The following ADAMTS17 variants were observed in gnomAD, a reference collection of about 807,000 sequenced individuals.
ADAMTS17 encodes ADAM metallopeptidase with thrombospondin type 1 motif 17, also known as A disintegrin and metalloproteinase with thrombospondin motifs 17.
ADAMTS17 carries 113 observed loss-of-function variants against 141.5 expected under a neutral mutation model. That is an observed-to-expected ratio of 0.80 (90% CI 0.69 to 0.93). The LOEUF (loss-of-function observed/expected upper bound fraction) is 0.93. Ranked by LOEUF, ADAMTS17 falls within the 40% of genes least tolerant of loss-of-function variation. The pLI, the probability that ADAMTS17 is intolerant of heterozygous loss-of-function variation, is 0.00. For missense variants in ADAMTS17, 1,659 were observed against 1,517.9 expected, an observed-to-expected ratio of 1.09 and a Z score of -1.54; for synonymous variants, 768 against 630.6, an observed-to-expected ratio of 1.22 and a Z score of -3.27.
intron 18 of ADAMTS17, among the ~76,000 whole-genome samples, chr15:100,031,736 C>A (rs1037616096): frequency 6.6e-6 from 1 of 152,202 alleles, no homozygotes; most frequent in Non-Finnish European, 1.5e-5. Flanking sequence ...TCAAACAATC[C>A]ATTTATCTGT....
At chr15:100,053,544 A>G (rs976896429) in intron 16 of ADAMTS17, among the ~76,000 whole-genome samples, 1 of 152,212 alleles carries the variant, frequency 6.6e-6, no homozygotes, top group African/African-American at 2.4e-5. Context: ...AACCGATGCA[A>G]AAACAGACTT....
chr15:100,167,249 T>C (rs2039985963), intron 8 of ADAMTS17, among the ~76,000 whole-genome samples: 1 of 152,136 alleles, frequency 6.6e-6, no homozygotes, highest in Admixed American at 6.5e-5. Flanking sequence ...TGCCCACAAA[T>C]TACTCACAGA....
chr15:100,051,571 C>A lies in ADAMTS17; in HGVS notation c.2455+1G>T, dbSNP rs768475186. Reference sequence around the variant, plus strand: ...ACAGGTCATGGACCACGGCCACTCACCTCCGCCGCACTGCACACTGCACCC... The same window carrying A: ...ACAGGTCATGGACCACGGCCACTCAACTCCGCCGCACTGCACACTGCACCC... On this transcript the variant is annotated splice_donor_variant, in intron 17 of 21. Coordinates refer to ENST00000268070, the MANE Select transcript of ADAMTS17 (RefSeq NM_139057.4). LOFTEE classifies it high-confidence loss of function. The A allele has an allele frequency of 6.2e-7, 1 of 1,613,370 alleles. No homozygotes were observed. Among genetic ancestry groups the A allele is most frequent in the South Asian group, 1.1e-5 (1 of 91,056 alleles).
intron 8 of ADAMTS17, among the ~76,000 whole-genome samples, chr15:100,172,243 G>A (rs987447575): frequency 6.6e-6 from 1 of 152,022 alleles, no homozygotes; most frequent in African/African-American, 2.4e-5. Context: ...TCAATCACAG[G>A]CTCTGATTTC....
At chr15:100,077,769 T>C (rs763211580) in intron 15 of ADAMTS17, among the ~76,000 whole-genome samples, 14 of 152,112 alleles carry the variant, frequency 9.2e-5, no homozygotes, top group Non-Finnish European at 1.3e-4. Context: ...CTAGGGCAAC[T>C]AGGCAAGGAA....
At chr15:100,071,205 C>A (rs1273428447) in intron 15 of ADAMTS17, among the ~76,000 whole-genome samples, 2 of 150,390 alleles carry the variant, frequency 1.3e-5, no homozygotes, top group East Asian at 3.9e-4. Context: ...GAAGTTGAAT[C>A]TCTGAATAGA....
At chr15:100,297,010 A>G (rs774158750) in intron 3 of ADAMTS17, among the ~76,000 whole-genome samples, 2 of 152,154 alleles carry the variant, frequency 1.3e-5, no homozygotes, top group Non-Finnish European at 2.9e-5. Flanking sequence ...CAATGCTATG[A>G]GAAAATATAA....
intron 7 of ADAMTS17, among the ~76,000 whole-genome samples, chr15:100,238,810 C>T (rs1407225483): frequency 2.0e-5 from 3 of 152,126 alleles, no homozygotes; most frequent in Admixed American, 6.5e-5. Context: ...AAAGGCAGGG[C>T]GTGGTGGCTC....
At chr15:100,183,788 A>C (rs2040607778) in intron 8 of ADAMTS17, among the ~76,000 whole-genome samples, 1 of 152,218 alleles carries the variant, frequency 6.6e-6, no homozygotes, top group African/African-American at 2.4e-5. Flanking sequence ...TTTGCCAGGT[A>C]GGTCTGGCTT....
intron 3 of ADAMTS17, among the ~76,000 whole-genome samples, chr15:100,311,299 G>C (rs943960156): frequency 6.6e-6 from 1 of 152,016 alleles, no homozygotes; most frequent in African/African-American, 2.4e-5. Flanking sequence ...CACCCCCACC[G>C]CCCCCTGCAA....
intron 20 of ADAMTS17, among the ~76,000 whole-genome samples, chr15:99,991,630 T>G (rs1305499521): frequency 6.6e-6 from 1 of 152,212 alleles, no homozygotes; most frequent in African/African-American, 2.4e-5. Context: ...CTCAAGGATC[T>G]AGAACCAGAA....
Position 100,341,138 on chromosome 15 carries a change from G to C in ADAMTS17, c.351C>G (p.Arg117=). Residue 117 remains arginine, a synonymous_variant, in exon 2 of 22, where the codon CGC becomes CGG. Transcript: ENST00000268070. ...FEVEEAGAAR[R]RGRPAELCFY... ...AGCACAGCTCGGCGGGGCGGCCGCG[G>C]CGCCGGGCCGCGCCCGCCTCCTCCA... 7.0e-7 allele frequency: 1 copy of C among 1,436,472 alleles called. No individual in the cohort carries two copies. The highest frequency in any genetic ancestry group is 9.1e-7 in the Non-Finnish European group (1 of 1,102,576). The allele number at this position is 1,436,472 out of a possible 1,614,324, so 89.0% of individuals were successfully genotyped here. A position where few individuals can be genotyped will look rare whatever the true frequency, so the allele number is the denominator to read the frequency against.
chr15:100,023,577 C>T (rs2061445837), intron 18 of ADAMTS17, among the ~76,000 whole-genome samples: 1 of 151,668 alleles, frequency 6.6e-6, no homozygotes, highest in African/African-American at 2.4e-5. Flanking sequence ...TGGGGCCACT[C>T]AGAGTCCAGA....
At chr15:100,113,770 C>G (rs36092433) in intron 13 of ADAMTS17, among the ~76,000 whole-genome samples, 3 of 151,994 alleles carry the variant, frequency 2.0e-5, no homozygotes, top group Non-Finnish European at 4.4e-5. Context: ...GCGGAGCTGT[C>G]GTCAGAGAGT....
At chr15:100,148,714 C>T (rs1421877472) in intron 10 of ADAMTS17, among the ~76,000 whole-genome samples, 1 of 151,614 alleles carries the variant, frequency 6.6e-6, no homozygotes, top group African/African-American at 2.4e-5. Flanking sequence ...TAGATTTCTT[C>T]ATGTTTCTTG....
intron 20 of ADAMTS17, among the ~76,000 whole-genome samples, chr15:99,982,132 T>C (rs2060493201): frequency 6.6e-6 from 1 of 152,218 alleles, no homozygotes; most frequent in South Asian, 2.1e-4. Flanking sequence ...AGAGGCAGTG[T>C]GGAATAGGAG....
intron 3 of ADAMTS17, among the ~76,000 whole-genome samples, chr15:100,288,203 AG>A (rs1472716395): frequency 6.6e-6 from 1 of 152,242 alleles, no homozygotes. Flanking sequence ...AAAACAAAAA[AG>A]CAAGAGTTGC....
At position 99,971,662 on chromosome 15, in the gene ADAMTS17, A is replaced by ATCGTATTGCCATAG. The variant is rs561880684; in HGVS notation, c.*2726_*2739dup. The ATCGTATTGCCATAG allele has an allele frequency of 2.8e-4, 43 of 152,368 alleles. No individual in the cohort carries two copies. The highest frequency in any genetic ancestry group is 1.0e-3 in the African/African-American group (42 of 41,594). The allele number at this position is 152,368 out of a possible 1,614,324, so 9.4% of individuals were successfully genotyped here. A position where few individuals can be genotyped will look rare whatever the true frequency, so the allele number is the denominator to read the frequency against. On this transcript the variant is annotated 3_prime_UTR_variant, in exon 22 of 22. Coordinates refer to ENST00000268070, the MANE Select transcript of ADAMTS17 (RefSeq NM_139057.4). Reference sequence around the variant, plus strand: ...TTGACTCTGAAACGAAAAAAGGACAATCGTATTGCCATAGAGGCTCTTTTC... The same window carrying ATCGTATTGCCATAG: ...TTGACTCTGAAACGAAAAAAGGACAATCGTATTGCCATAGTCGTATTGCCATAGAGGCTCTTTTC...
intron 3 of ADAMTS17, among the ~76,000 whole-genome samples, chr15:100,326,835 C>T (rs2045915470): frequency 6.6e-6 from 1 of 152,196 alleles, no homozygotes. Flanking sequence ...TCCTAGCTGC[C>T]TCTTGGTCAC....
Sources: allele counts gnomAD v4.1 joint callset (sites outside exome capture counted in the v4.1 genomes callset), GRCh38; gene constraint gnomAD v4.1.1; transcripts MANE v1.5; gene names NCBI Gene and HGNC (gene_info 2026-07-23, HGNC 2026-07-21).